The following KCNH5 variants were observed in gnomAD, a reference collection of about 807,000 sequenced individuals.
The protein encoded by KCNH5 is potassium voltage-gated channel subfamily H member 5.
Under a neutral mutation model 96.1 loss-of-function variants are expected in KCNH5, and 46 were observed. That is an observed-to-expected ratio of 0.48 (90% CI 0.38 to 0.61). The LOEUF (loss-of-function observed/expected upper bound fraction) is 0.61. KCNH5 is among the 20% of genes least tolerant of loss of function. KCNH5 has a pLI of 0.00. For missense variants in KCNH5, 907 were observed against 1,225.8 expected, an observed-to-expected ratio of 0.74 and a Z score of 3.88; for synonymous variants, 439 against 449.8, an observed-to-expected ratio of 0.98 and a Z score of 0.30.
chr14:62,777,511 A>T (rs1886122640), intron 10 of KCNH5, among the ~76,000 whole-genome samples: 1 of 152,230 alleles, frequency 6.6e-6, no homozygotes, highest in Admixed American at 6.5e-5. Flanking sequence ...ATATTTTCTC[A>T]CCACTTATCT....
intron 7 of KCNH5, among the ~76,000 whole-genome samples, chr14:62,947,985 A>G (rs1462158805): frequency 3.4e-5 from 4 of 116,094 alleles, no homozygotes; most frequent in African/African-American, 1.3e-4. Context: ...CTCTCCCCCC[A>G]CCCCACAACA....
intron 1 of KCNH5, among the ~76,000 whole-genome samples, chr14:63,033,980 C>T (rs1266199395): frequency 2.6e-5 from 4 of 151,992 alleles, no homozygotes; most frequent in Non-Finnish European, 5.9e-5. Flanking sequence ...AGTGCAGTGG[C>T]GCAATCTCAG....
chr14:63,019,745 G>T (rs1891391175), intron 1 of KCNH5, among the ~76,000 whole-genome samples: 1 of 151,928 alleles, frequency 6.6e-6, no homozygotes, highest in African/African-American at 2.4e-5. Context: ...AAACATAGAA[G>T]GAAATCTTTG....
chr14:62,901,288 T>C (rs1252731649), intron 7 of KCNH5, among the ~76,000 whole-genome samples: 2 of 152,166 alleles, frequency 1.3e-5, no homozygotes, highest in Non-Finnish European at 2.9e-5. Flanking sequence ...CCTAGGTATA[T>C]TGTGTGATAC....
chr14:62,790,193 T>C (rs1335897519), intron 9 of KCNH5, among the ~76,000 whole-genome samples: 5 of 151,876 alleles, frequency 3.3e-5, no homozygotes, highest in Admixed American at 2.6e-4. Flanking sequence ...GGCACCCTTG[T>C]TGAAAATTAG....
chr14:62,778,140 A>G (rs974271127), intron 10 of KCNH5, among the ~76,000 whole-genome samples: 66 of 152,256 alleles, frequency 4.3e-4, no homozygotes, highest in African/African-American at 1.5e-3. Context: ...TAAAATGCAC[A>G]TTTTAGATTG....
intron 10 of KCNH5, among the ~76,000 whole-genome samples, chr14:62,723,953 A>AT (rs1884869325): frequency 6.6e-6 from 1 of 152,114 alleles, no homozygotes; most frequent in Admixed American, 6.5e-5. Flanking sequence ...TGCCATCTAG[A>AT]TTTTCTAACT....
At chr14:63,016,622 G>GAT (rs1338240093) in intron 2 of KCNH5, among the ~76,000 whole-genome samples, 1 of 152,066 alleles carries the variant, frequency 6.6e-6, no homozygotes, top group Non-Finnish European at 1.5e-5. Flanking sequence ...TTAACTCACA[G>GAT]ATATATACAA....
chr14:62,985,929 A>C (rs1050204417), intron 5 of KCNH5, among the ~76,000 whole-genome samples: 20 of 152,124 alleles, frequency 1.3e-4, no homozygotes, highest in African/African-American at 4.3e-4. Context: ...CATTTTATTA[A>C]CCAACAGAAC....
chr14:62,815,558 A>T (rs759828131), intron 8 of KCNH5, among the ~76,000 whole-genome samples: 1 of 152,104 alleles, frequency 6.6e-6, no homozygotes, highest in Admixed American at 6.6e-5. Context: ...GACTGTAGTG[A>T]TTATTTCATT....
chr14:62,812,125 C>T (rs1186257131), intron 8 of KCNH5, among the ~76,000 whole-genome samples: 1 of 152,092 alleles, frequency 6.6e-6, no homozygotes, highest in African/African-American at 2.4e-5. Flanking sequence ...TCGTGAAGCT[C>T]AACCAGGAAA....
intron 7 of KCNH5, among the ~76,000 whole-genome samples, chr14:62,934,188 G>A (rs1038832169): frequency 6.7e-6 from 1 of 150,300 alleles, no homozygotes; most frequent in Non-Finnish European, 1.5e-5. Flanking sequence ...CTGGAGTGCA[G>A]TGGCATGATC....
intron 10 of KCNH5, among the ~76,000 whole-genome samples, chr14:62,723,511 A>G (rs1884859946): frequency 6.6e-6 from 1 of 151,784 alleles, no homozygotes; most frequent in Non-Finnish European, 1.5e-5. Context: ...AGAAACTCAG[A>G]GAGTCAAAGT....
intron 7 of KCNH5, among the ~76,000 whole-genome samples, chr14:62,917,996 T>C (rs1241166457): frequency 6.6e-6 from 1 of 152,156 alleles, no homozygotes; most frequent in East Asian, 1.9e-4. Context: ...GTTCCATCTG[T>C]CTAAAGGATC....
chr14:62,780,865 A>C (rs1353051163), intron 9 of KCNH5, among the ~76,000 whole-genome samples: 2 of 152,192 alleles, frequency 1.3e-5, no homozygotes, highest in African/African-American at 4.8e-5. Flanking sequence ...AAAGTTTTAA[A>C]GTGAAAAAGA....
intron 9 of KCNH5, among the ~76,000 whole-genome samples, chr14:62,791,809 G>A (rs1886441169): frequency 6.6e-6 from 1 of 151,602 alleles, no homozygotes; most frequent in African/African-American, 2.4e-5. Flanking sequence ...AAAATGCATA[G>A]AGATGCAATA....
At chr14:62,902,192 G>A (rs1888940499) in intron 7 of KCNH5, among the ~76,000 whole-genome samples, 1 of 150,890 alleles carries the variant, frequency 6.6e-6, no homozygotes, top group African/African-American at 2.4e-5. Flanking sequence ...GGTTTCTTTT[G>A]CTATGCATAA....
chr14:62,950,516 A>G lies in KCNH5; in HGVS notation c.986T>C (p.Leu329Ser), dbSNP rs1889982593. ...LFSSLKVVRL[L>S]RLGRVARKLD... ...TTTCCTAGCCACACGGCCCAGTCGT[A>G]AGAGACGCACCACTTTTAAAGAACT... Residue 329 changes from leucine to serine, a missense_variant, in exon 7 of 11, where the codon TTA (leucine) becomes TCA (serine). Leu to Ser is a moderately radical substitution (Grantham distance 145). Coordinates refer to ENST00000322893, the MANE Select transcript of KCNH5 (RefSeq NM_139318.5). The G allele has an allele frequency of 1.2e-6, 2 of 1,605,826 alleles. No individual in the cohort carries two copies. The highest frequency in any genetic ancestry group is 1.3e-5 in the African/African-American group (1 of 74,838).
At chr14:62,889,648 A>T (rs760988604) in intron 7 of KCNH5, among the ~76,000 whole-genome samples, 6 of 152,162 alleles carry the variant, frequency 3.9e-5, no homozygotes, top group Non-Finnish European at 7.3e-5. Context: ...AGCAGCCAGG[A>T]CAGATTCCAG....
Sources: gnomAD v4.1 joint callset for allele counts (sites outside exome capture counted in the v4.1 genomes callset) on GRCh38, gnomAD v4.1.1 for gene constraint, MANE v1.5 for transcripts, NCBI Gene and HGNC (gene_info 2026-07-23, HGNC 2026-07-21) for gene names.